PHACTR3: variants seen among roughly 807,000 people sequenced by gnomAD.
The protein encoded by PHACTR3 is phosphatase and actin regulator 3.
PHACTR3 carries 16 observed loss-of-function variants against 66.8 expected under a neutral mutation model. The ratio of observed to expected loss-of-function variants is 0.24; its 90% CI spans 0.16 to 0.36. The LOEUF is 0.36. Ranked by LOEUF, PHACTR3 falls within the 10% of genes least tolerant of loss-of-function variation. The probability of loss-of-function intolerance (pLI) is 1.00; values close to 1 mark genes in which losing one functional copy is unlikely to be tolerated. For synonymous variants in PHACTR3, 323 were observed against 292.1 expected (o/e 1.11, Z -1.08); for missense variants, 647 against 719.9 (o/e 0.90, Z 1.16).
At chr20:59,817,095 C>T (rs2041908192) in intron 8 of PHACTR3, among the ~76,000 whole-genome samples, 1 of 152,232 alleles carries the variant, frequency 6.6e-6, no homozygotes, top group South Asian at 2.1e-4. Flanking sequence ...TAGTTCAGTA[C>T]AATAAGTGTT....
Position 59,773,774 on chromosome 20 carries a change from G to A in PHACTR3, c.926+321G>A, listed in dbSNP as rs558523921. On this transcript the variant is annotated intron_variant, in intron 6 of 12. Coordinates refer to ENST00000371015, the MANE Select transcript of PHACTR3 (RefSeq NM_080672.5). Reference sequence around the variant, plus strand: ...GAGACTGACTTAGAGAAAAGTGGCCGTTCCACTTTGTCCCAGGACACTGAG... The same window carrying A: ...GAGACTGACTTAGAGAAAAGTGGCCATTCCACTTTGTCCCAGGACACTGAG... Among the ~76,000 whole-genome samples, 9 of 152,322 alleles carry A rather than the reference G, an allele frequency of 5.9e-5. No individual in the cohort carries two copies. In the South Asian group the frequency reaches 1.0e-3, roughly 18 times the overall value.
At chr20:59,745,009 G>A (rs914259954) in intron 2 of PHACTR3, among the ~76,000 whole-genome samples, 2 of 152,170 alleles carry the variant, frequency 1.3e-5, no homozygotes, top group Non-Finnish European at 2.9e-5. Context: ...CGGCACTAAT[G>A]GGCTCTTAGT....
intron 1 of PHACTR3, among the ~76,000 whole-genome samples, chr20:59,584,336 T>C (rs915052977): frequency 1.2e-4 from 18 of 149,928 alleles, no homozygotes; most frequent in Admixed American, 9.3e-4. Flanking sequence ...GAAGCTGTGA[T>C]GAGTGCATGT....
intron 2 of PHACTR3, among the ~76,000 whole-genome samples, chr20:59,745,394 T>C (rs567513571): frequency 1.2e-4 from 18 of 152,306 alleles, no homozygotes; most frequent in Non-Finnish European, 1.9e-4. Flanking sequence ...CTGTGCCGTG[T>C]GAGTTCACCA....
chr20:59,812,533 C>A (rs573651022), intron 8 of PHACTR3, among the ~76,000 whole-genome samples: 1 of 152,182 alleles, frequency 6.6e-6, no homozygotes, highest in Non-Finnish European at 1.5e-5. Flanking sequence ...GTCCTGGAGA[C>A]AGAACGCACA....
At chr20:59,825,091 C>T (rs528447739) in intron 8 of PHACTR3, among the ~76,000 whole-genome samples, 4 of 152,176 alleles carry the variant, frequency 2.6e-5, no homozygotes, top group Non-Finnish European at 5.9e-5. Flanking sequence ...AGAGGCTGTG[C>T]AGGGGCTGGG....
At chr20:59,583,247 T>C (rs1456908780) in intron 1 of PHACTR3, among the ~76,000 whole-genome samples, 1 of 152,090 alleles carries the variant, frequency 6.6e-6, no homozygotes, top group African/African-American at 2.4e-5. Context: ...AACCCAGGGA[T>C]CTGTTGATTC....
At chr20:59,634,695 G>A (rs539046904) in intron 1 of PHACTR3, among the ~76,000 whole-genome samples, 1 of 152,090 alleles carries the variant, frequency 6.6e-6, no homozygotes, top group Non-Finnish European at 1.5e-5. Flanking sequence ...TTATCTTCTC[G>A]GGTCTCCTTT....
At chr20:59,724,562 G>A (rs576848795) in intron 1 of PHACTR3, among the ~76,000 whole-genome samples, 15 of 152,202 alleles carry the variant, frequency 9.9e-5, no homozygotes, top group African/African-American at 3.1e-4. Context: ...GTGCGTGGCC[G>A]GCAGGGACCT....
At chr20:59,749,527 T>C (rs2039501351) in intron 3 of PHACTR3, among the ~76,000 whole-genome samples, 1 of 152,206 alleles carries the variant, frequency 6.6e-6, no homozygotes. Flanking sequence ...CCTGCTGCCG[T>C]GGGAGCCTGG....
At chr20:59,666,524 G>A (rs2035992706) in intron 1 of PHACTR3, among the ~76,000 whole-genome samples, 2 of 148,772 alleles carry the variant, frequency 1.3e-5, no homozygotes, top group South Asian at 2.2e-4. Context: ...GAGGAAGAGA[G>A]AGACAGAGAC....
Position 59,767,404 on chromosome 20 carries a change from A to G in PHACTR3, c.751+9A>G. 1 of 1,612,220 alleles carries G rather than the reference A, an allele frequency of 6.2e-7. No homozygotes were observed. The highest frequency in any genetic ancestry group is 8.5e-7 in the Non-Finnish European group (1 of 1,179,326). On this transcript the variant is annotated intron_variant, in intron 5 of 12. Coordinates refer to ENST00000371015, the MANE Select transcript of PHACTR3 (RefSeq NM_080672.5). ...CACAAAAAATGTCACAGGTGGGTCC[A>G]CATGCATCCTGCCCATTCTATTTCC...
At chr20:59,735,194 C>T (rs931343658) in intron 1 of PHACTR3, among the ~76,000 whole-genome samples, 2 of 152,110 alleles carry the variant, frequency 1.3e-5, no homozygotes, top group Admixed American at 6.5e-5. Flanking sequence ...TTGCCTTACA[C>T]TTTCTGTGTT....
intron 7 of PHACTR3, among the ~76,000 whole-genome samples, chr20:59,781,055 G>T (rs942557769): frequency 6.6e-6 from 1 of 152,210 alleles, no homozygotes; most frequent in Non-Finnish European, 1.5e-5. Flanking sequence ...GCAAAGTTTA[G>T]CTCCCAGTTT....
At chr20:59,794,017 G>A (rs904746967) in intron 7 of PHACTR3, among the ~76,000 whole-genome samples, 40 of 151,622 alleles carry the variant, frequency 2.6e-4, no homozygotes, top group African/African-American at 9.2e-4. Flanking sequence ...CCAGCTACTC[G>A]GGAGGCTGAG....
intron 1 of PHACTR3, among the ~76,000 whole-genome samples, chr20:59,696,412 AGTGACCATCTCAGGCCCGTCGG>A (rs1216368823): frequency 1.3e-5 from 2 of 152,158 alleles, no homozygotes; most frequent in African/African-American, 4.8e-5. Context: ...TGGGGCCATG[AGTGACCATCTCAGGCCCGTCGG>A]GAAGATACTT....
intron 1 of PHACTR3, among the ~76,000 whole-genome samples, chr20:59,689,545 C>T (rs2037026866): frequency 6.6e-6 from 1 of 152,194 alleles, no homozygotes; most frequent in Non-Finnish European, 1.5e-5. Context: ...CCCCTCCCAT[C>T]TGATTGGTTT....
At chr20:59,843,957 G>A (rs1344046469) in intron 11 of PHACTR3, 2 of 151,796 alleles carry the variant, frequency 1.3e-5, no homozygotes, top group African/African-American at 2.4e-5. Flanking sequence ...GAATATACAA[G>A]GAACTCAACA....
intron 1 of PHACTR3, among the ~76,000 whole-genome samples, chr20:59,701,023 C>A (rs1034244095): frequency 6.6e-6 from 1 of 152,098 alleles, no homozygotes; most frequent in Non-Finnish European, 1.5e-5. Context: ...AACTCCTGGG[C>A]TCATGTGATC....
Sources: allele counts gnomAD v4.1 joint callset (sites outside exome capture counted in the v4.1 genomes callset), GRCh38; gene constraint gnomAD v4.1.1; transcripts MANE v1.5; gene names NCBI Gene and HGNC (gene_info 2026-07-23, HGNC 2026-07-21).